Variants in RBFOX1 observed in about 807,000 individuals in gnomAD.
RBFOX1 encodes the protein RNA binding fox-1 homolog 1, also known as RNA binding protein fox-1 homolog 1.
A neutral mutation model predicts 57.7 loss-of-function variants in RBFOX1; 8 were observed. That is an observed-to-expected ratio of 0.14 (90% CI 0.08 to 0.25). The LOEUF is 0.25. RBFOX1 is among the 10% of genes least tolerant of loss of function. RBFOX1 has a pLI of 1.00. For synonymous variants in RBFOX1, 326 were observed against 222.4 expected (o/e 1.47, Z -4.15); for missense variants, 611 against 548.5 (o/e 1.11, Z -1.14).
chr16:6,663,158 G>A (rs1750993828), intron 3 of RBFOX1, among the ~76,000 whole-genome samples: 1 of 152,204 alleles, frequency 6.6e-6, no homozygotes, highest in South Asian at 2.1e-4. Flanking sequence ...CCATGTAGGA[G>A]ATGGGGAGGA....
chr16:7,046,890 G>T (rs184933671), intron 3 of RBFOX1, among the ~76,000 whole-genome samples: 2 of 152,080 alleles, frequency 1.3e-5, no homozygotes, highest in Admixed American at 1.3e-4. Flanking sequence ...ACAGGCGTGA[G>T]CCCCTGCGCC....
At chr16:5,728,860 C>G (rs2052252749) in intron 3 of RBFOX1, among the ~76,000 whole-genome samples, 1 of 152,202 alleles carries the variant, frequency 6.6e-6, no homozygotes, top group South Asian at 2.1e-4. Context: ...GTCTGCCCAT[C>G]CAGGCCAAAA....
intron 4 of RBFOX1, among the ~76,000 whole-genome samples, chr16:7,459,907 C>G (rs1258358626): frequency 6.6e-6 from 1 of 151,954 alleles, no homozygotes; most frequent in African/African-American, 2.4e-5. Flanking sequence ...TAACTGACAA[C>G]TTGTTAAAGA....
At chr16:7,257,040 T>C (rs1243538922) in intron 4 of RBFOX1, among the ~76,000 whole-genome samples, 1 of 152,148 alleles carries the variant, frequency 6.6e-6, no homozygotes, top group Non-Finnish European at 1.5e-5. Flanking sequence ...TCCTGGAGAA[T>C]GGGATGCTGT....
At chr16:5,901,332 C>G (rs1015099766) in intron 4 of RBFOX1, among the ~76,000 whole-genome samples, 4 of 152,154 alleles carry the variant, frequency 2.6e-5, no homozygotes, top group Non-Finnish European at 4.4e-5. Context: ...GTTGGGGTTA[C>G]CTTTTATAAT....
At chr16:5,737,871 T>C (rs2052635030) in intron 3 of RBFOX1, among the ~76,000 whole-genome samples, 2 of 152,218 alleles carry the variant, frequency 1.3e-5, no homozygotes, top group African/African-American at 2.4e-5. Context: ...TTTTTAAAAA[T>C]TATACTTTAA....
intron 4 of RBFOX1, among the ~76,000 whole-genome samples, chr16:7,151,868 A>G (rs993611321): frequency 5.9e-5 from 9 of 152,196 alleles, no homozygotes; most frequent in African/African-American, 1.7e-4. Flanking sequence ...TTCTGCTCCT[A>G]TGAGAATGTA....
At chr16:7,682,229 C>T (rs565346217) in intron 14 of RBFOX1, among the ~76,000 whole-genome samples, 3 of 152,144 alleles carry the variant, frequency 2.0e-5, no homozygotes, top group African/African-American at 4.8e-5. Context: ...TTATGCTAGA[C>T]TCTGTATCAT....
At chr16:6,655,170 T>G (rs2098638725) in intron 3 of RBFOX1, among the ~76,000 whole-genome samples, 2 of 151,154 alleles carry the variant, frequency 1.3e-5, no homozygotes, top group Non-Finnish European at 2.9e-5. Context: ...GGTCAGGAGT[T>G]AGAGACCAAC....
chr16:7,063,184 G>C (rs574401127), intron 4 of RBFOX1, among the ~76,000 whole-genome samples: 1 of 152,070 alleles, frequency 6.6e-6, no homozygotes, highest in African/African-American at 2.4e-5. Flanking sequence ...ACCTGAATTT[G>C]TACATCTTTT....
At chr16:5,606,141 G>T (rs1306417428) in intron 3 of RBFOX1, among the ~76,000 whole-genome samples, 1 of 152,144 alleles carries the variant, frequency 6.6e-6, no homozygotes, top group Non-Finnish European at 1.5e-5. Flanking sequence ...TATTTCAGCA[G>T]CTCTCTGTGA....
chr16:7,612,137 C>T (rs918496745), intron 10 of RBFOX1, among the ~76,000 whole-genome samples: 26 of 151,646 alleles, frequency 1.7e-4, no homozygotes, highest in African/African-American at 5.3e-4. Context: ...CTGGCTAACA[C>T]GATGAAACCC....
At chr16:7,222,249 T>C (rs1444008306) in intron 4 of RBFOX1, among the ~76,000 whole-genome samples, 3 of 152,222 alleles carry the variant, frequency 2.0e-5, no homozygotes, top group Admixed American at 1.3e-4. Flanking sequence ...TTGTTTACTT[T>C]ACATGAGGGC....
intron 1 of RBFOX1, among the ~76,000 whole-genome samples, chr16:6,054,579 C>A (rs1316411210): frequency 6.6e-6 from 1 of 152,104 alleles, no homozygotes; most frequent in Non-Finnish European, 1.5e-5. Context: ...GACCATGATT[C>A]ATATTGGGTC....
At chr16:6,165,787 A>T (rs892181831) in intron 1 of RBFOX1, among the ~76,000 whole-genome samples, 1 of 152,204 alleles carries the variant, frequency 6.6e-6, no homozygotes, top group African/African-American at 2.4e-5. Context: ...GCTAAGGGTT[A>T]TTTACAAGAA....
chr16:5,802,010 G>T (rs1452066688), intron 3 of RBFOX1, among the ~76,000 whole-genome samples: 1 of 152,064 alleles, frequency 6.6e-6, no homozygotes, highest in African/African-American at 2.4e-5. Flanking sequence ...GGCTGCATTC[G>T]CTGGAGGAAG....
chr16:5,494,289 A>AATCTGCAGCGTATGTG (rs1458511866), intron 2 of RBFOX1, among the ~76,000 whole-genome samples: 1 of 152,178 alleles, frequency 6.6e-6, no homozygotes, highest in Non-Finnish European at 1.5e-5. Context: ...TTGCCTCTAG[A>AATCTGCAGCGTATGTG]ATCTGCAGCG....
chr16:6,018,251 G>T (rs1420312833), upstream of RBFOX1, among the ~76,000 whole-genome samples: 4 of 136,232 alleles, frequency 2.9e-5, no homozygotes, highest in African/African-American at 1.1e-4. Context: ...GGGAAGAGCA[G>T]AGTTTCTCAC....
At chr16:6,584,180 C>G (rs910858669) in intron 2 of RBFOX1, among the ~76,000 whole-genome samples, 3 of 151,764 alleles carry the variant, frequency 2.0e-5, no homozygotes, top group East Asian at 1.9e-4. Context: ...GTAATTACAT[C>G]TATTTTCTCA....
Sources: gnomAD v4.1 joint callset for allele counts (sites outside exome capture counted in the v4.1 genomes callset) on GRCh38, gnomAD v4.1.1 for gene constraint, MANE v1.5 for transcripts, NCBI Gene and HGNC (gene_info 2026-07-23, HGNC 2026-07-21) for gene names.